Variants in PSMD2 observed in about 807,000 individuals in gnomAD.
PSMD2 encodes 26S proteasome non-ATPase regulatory subunit 2.
Under a neutral mutation model 101.5 loss-of-function variants are expected in PSMD2, and 8 were observed. The observed-to-expected ratio is 0.08, with a 90% CI of 0.05 to 0.14. PSMD2 has a LOEUF of 0.14. Among genes scored for constraint, PSMD2 ranks in the 10% least tolerant of loss-of-function variants. The pLI, the probability that PSMD2 is intolerant of heterozygous loss-of-function variation, is 1.00. For missense variants in PSMD2, 784 were observed against 1,147.4 expected (o/e 0.68, Z 4.58); for synonymous variants, 418 against 433.8 (o/e 0.96, Z 0.45).
Position 184,306,038 on chromosome 3 carries a change from T to C in PSMD2, c.1703-16T>C, listed in dbSNP as rs759712872. 5 of 1,614,160 alleles carry C rather than the reference T, an allele frequency of 3.1e-6. No homozygotes were observed. Among genetic ancestry groups the C allele is most frequent in the Non-Finnish European group, 4.2e-6 (5 of 1,179,996 alleles). The stretch of plus-strand genomic sequence containing the variant: ...TGGAGGCAAGTATCCTCTGACCCCT[T>C]GAATCTGTCCTGTAGGGAAGGGTGA... On this transcript the variant is annotated splice_polypyrimidine_tract_variant and intron_variant, in intron 13 of 20. Coordinates refer to ENST00000310118, the MANE Select transcript of PSMD2 (RefSeq NM_002808.5).
At chr3:184,302,234 T>C (rs527557633) in intron 5 of PSMD2, 136 bp from the exon 6 acceptor site, 2 of 1,158,410 alleles carry the variant, frequency 1.7e-6, no homozygotes, top group Non-Finnish European at 2.4e-6. Context: ...ACTTTGTGTC[T>C]TCTTAGTAGT....
At position 184,302,385 on chromosome 3, in the gene PSMD2, G is replaced by A; in HGVS notation, c.720G>A (p.Val240=). ...ACTTTTGTAGTTGTGTGAATTACGT[G>A]CCTGAGCCTGAGAACTCAGCCCTAC... ...CLYLTSCVNY[V]PEPENSALLR... The change falls in exon 6 of 21, where the codon GTG becomes GTA. Residue 240 remains valine (V), a synonymous_variant. Coordinates refer to ENST00000310118, the MANE Select transcript of PSMD2 (RefSeq NM_002808.5). 2 of 1,613,372 alleles carry A rather than the reference G, an allele frequency of 1.2e-6. No individual in the cohort carries two copies. The highest frequency in any genetic ancestry group is 1.7e-6 in the Non-Finnish European group (2 of 1,179,788).
chr3:184,307,747 G>A (rs1721882625), intron 18 of PSMD2, 39 bp downstream of exon 18: 1 of 1,607,036 alleles, frequency 6.2e-7, no homozygotes. Context: ...TGCCGGGGAA[G>A]TATCTGTGGT....
chr3:184,306,908 A>T, intron 16 of PSMD2, 74 bp downstream of exon 16: 2 of 1,209,900 alleles, frequency 1.7e-6, no homozygotes, highest in Non-Finnish European at 2.4e-6. Context: ...GATTTTTCTG[A>T]TGGGTTTTCT....
intron 13 of PSMD2, 35 bp downstream of exon 13, chr3:184,305,965 C>G (rs2108444092): frequency 1.2e-6 from 2 of 1,613,756 alleles, no homozygotes; most frequent in East Asian, 4.5e-5. Context: ...AAAGAGCTGA[C>G]AGTAACTGGA....
At chr3:184,301,423 A>C in intron 3 of PSMD2, 114 bp from the exon 4 acceptor site, 27 of 1,296,522 alleles carry the variant, frequency 2.1e-5, no homozygotes, top group Middle Eastern at 2.8e-4. Context: ...TTTCTAGTAC[A>C]GAGATTGGTA....
rs1302902139 is a variant in PSMD2 at position 184,304,624 on chromosome 3, G to A, written c.1539+233G>A. ...TTTTAGGCCTGGCACGGTGGCTCGT[G>A]CCTATAATCCCAGCACTTTGGGAGG... is the stretch of plus-strand genomic sequence containing the variant. On this transcript the variant is annotated intron_variant, in intron 12 of 20. Coordinates refer to ENST00000310118, the MANE Select transcript of PSMD2 (RefSeq NM_002808.5). This position sits in a 1 kb window ranked among gnomAD's most constrained non-coding sequence, Gnocchi z 4.1. Among the ~76,000 whole-genome samples the A allele has an allele frequency of 6.6e-6, 1 of 152,174 alleles. No individual in the cohort carries two copies. Among genetic ancestry groups the A allele is most frequent in the Non-Finnish European group, 1.5e-5 (1 of 68,036 alleles).
intron 10 of PSMD2, 48 bp downstream of exon 10, chr3:184,303,797 C>T (rs375681733): frequency 1.9e-4 from 309 of 1,605,110 alleles, no homozygotes; most frequent in Non-Finnish European, 2.2e-4. Flanking sequence ...GTTCCATATT[C>T]TAGTGCCTAG....
At chr3:184,299,621 T>C (rs974888594) in intron 1 of PSMD2, 12 of 681,720 alleles carry the variant, frequency 1.8e-5, no homozygotes, top group African/African-American at 1.5e-4. Flanking sequence ...CCGCGTGAAG[T>C]GGACTCGGGC....
Position 184,304,256 on chromosome 3 carries a change from T to G in PSMD2, c.1452-48T>G, listed in dbSNP as rs746504180. Reference sequence around the variant, plus strand: ...GATTCTCCTTTTGTTCTTTTCTTGCTGCATCGTTGGGTATGTGTTGGGGAC... The same window carrying G: ...GATTCTCCTTTTGTTCTTTTCTTGCGGCATCGTTGGGTATGTGTTGGGGAC... On this transcript the variant is annotated intron_variant, in intron 11 of 20. Coordinates refer to ENST00000310118, the MANE Select transcript of PSMD2 (RefSeq NM_002808.5). The surrounding 1 kb of genome is among the most constrained non-coding windows in gnomAD (Gnocchi z 4.1). 5.7e-6 allele frequency: 9 copies of G among 1,585,696 alleles called. No homozygotes were observed. In the African/African-American group the frequency reaches 9.4e-5, roughly 17 times the overall value.
chr3:184,303,149 C>G, intron 8 of PSMD2, 87 bp downstream of exon 8: 1 of 1,521,020 alleles, frequency 6.6e-7, no homozygotes, highest in Non-Finnish European at 9.1e-7. Flanking sequence ...ACATGCTTAT[C>G]CTATCGAGCT....
At chr3:184,299,971 T>G (rs1374791525) in intron 2 of PSMD2, 64 bp downstream of exon 2, 1 of 1,472,040 alleles carries the variant, frequency 6.8e-7, no homozygotes, top group Non-Finnish European at 9.5e-7. Flanking sequence ...TTTATTCTTT[T>G]TTGAGGCAAC....
intron 7 of PSMD2, 53 bp downstream of exon 7, chr3:184,302,876 T>C (rs1560194642): frequency 1.2e-6 from 2 of 1,612,592 alleles, no homozygotes; most frequent in Non-Finnish European, 1.7e-6. Flanking sequence ...CTACCTGCCA[T>C]TTCACCTCCC....
intron 6 of PSMD2, 62 bp downstream of exon 6, chr3:184,302,590 T>C (rs1306507503): frequency 4.3e-6 from 7 of 1,611,114 alleles, no homozygotes; most frequent in Admixed American, 1.7e-5. Flanking sequence ...CATAAAGAGC[T>C]GGGACTTGTA....
At chr3:184,306,961 T>C in intron 16 of PSMD2, 127 bp downstream of exon 16, 1 of 795,878 alleles carries the variant, frequency 1.3e-6, no homozygotes, top group East Asian at 2.6e-5. Flanking sequence ...TCTTTCTTTT[T>C]TCTTTTCTTT....
At chr3:184,299,578 C>A in intron 1 of PSMD2, 177 bp downstream of exon 1, 1 of 954,556 alleles carries the variant, frequency 1.0e-6, no homozygotes, top group Non-Finnish European at 1.5e-6. Context: ...TCCGCGCTGT[C>A]ACCTCCGCCG....
In PSMD2 at chr3:184,299,344, G is replaced by C; in HGVS notation, c.78G>C (p.Glu26Asp). The change falls in exon 1 of 21, where the codon GAG (glutamate) becomes GAC (aspartate). Residue 26 changes from glutamate to aspartate, a missense_variant. Physicochemically the swap from Glu to Asp is conservative, Grantham distance 45. Coordinates refer to ENST00000310118, the MANE Select transcript of PSMD2 (RefSeq NM_002808.5). ...SPAAAPGGTD[E>D]KPSGKERRDA... ...CGGCGGCCCCCGGCGGCACGGACGA[G>C]AAGCCGAGCGGCAAGGAGCGGCGGG... 1 of 1,416,572 alleles carries C rather than the reference G, an allele frequency of 7.1e-7. No individual in the cohort carries two copies. The highest frequency in any genetic ancestry group is 9.2e-7 in the Non-Finnish European group (1 of 1,089,088). The allele number at this position is 1,416,572 out of a possible 1,614,324, so 87.8% of individuals were successfully genotyped here. A position where few individuals can be genotyped will look rare whatever the true frequency, so the allele number is the denominator to read the frequency against.
intron 1 of PSMD2, 118 bp downstream of exon 1, chr3:184,299,519 C>A: frequency 7.9e-7 from 1 of 1,267,780 alleles, no homozygotes; most frequent in Non-Finnish European, 1.0e-6. Flanking sequence ...GCGGTTGGGG[C>A]GACCCTCGGG....
rs1008155468 is a variant in PSMD2, at chr3:184,308,471, T to C, written c.2448T>C (p.Tyr816=). 3 of 1,611,288 alleles carry C rather than the reference T, an allele frequency of 1.9e-6. No homozygotes were observed. Among genetic ancestry groups the C allele is most frequent in the South Asian group, 1.1e-5 (1 of 90,868 alleles). The change falls in exon 20 of 21, where the codon TAT becomes TAC. Residue 816 remains tyrosine (Y), a synonymous_variant. Coordinates refer to ENST00000310118, the MANE Select transcript of PSMD2 (RefSeq NM_002808.5). This position sits in a 1 kb window ranked among gnomAD's most constrained non-coding sequence, Gnocchi z 6.0. ...VRNIILGKSH[Y]VLYGLVAAMQ... is the part of the protein sequence containing the mutation. The stretch of plus-strand genomic sequence containing the variant: ...CAGTTATTCTAGGCAAATCACACTA[T>C]GTATTGTATGGGCTGGTGGCTGCCA...
Sources: gnomAD v4.1 joint callset for allele counts (sites outside exome capture counted in the v4.1 genomes callset) on GRCh38, gnomAD v4.1.1 for gene constraint, Gnocchi (gnomAD v3.1) non-coding constraint, MANE v1.5 for transcripts, NCBI Gene and HGNC (gene_info 2026-07-23, HGNC 2026-07-21) for gene names.